Variants in MGAT4C observed in about 807,000 individuals in gnomAD.
MGAT4C encodes alpha-1,3-mannosyl-glycoprotein 4-beta-N-acetylglucosaminyltransferase C.
Under a neutral mutation model 40.1 loss-of-function variants are expected in MGAT4C, and 19 were observed. The ratio of observed to expected loss-of-function variants is 0.47; its 90% confidence interval spans 0.33 to 0.70. MGAT4C has a LOEUF of 0.70. Among genes scored for constraint, MGAT4C ranks in the 30% least tolerant of loss-of-function variants. MGAT4C has a pLI of 0.02. For synonymous variants in MGAT4C, 181 were observed against 187.1 expected (o/e 0.97, Z 0.27); for missense variants, 491 against 563.2 (o/e 0.87, Z 1.30).
At chr12:86,244,939 G>T (rs1000965294) in intron 1 of MGAT4C, among the ~76,000 whole-genome samples, 2 of 152,158 alleles carry the variant, frequency 1.3e-5, no homozygotes, top group African/African-American at 4.8e-5. Context: ...GCAGTATTAA[G>T]TGGGTGGTAT....
chr12:86,263,944 A>G (rs140505745), intron 4 of MGAT4C, among the ~76,000 whole-genome samples: 2 of 151,912 alleles, frequency 1.3e-5, no homozygotes, highest in African/African-American at 4.8e-5. Flanking sequence ...TTTTTCATAT[A>G]CCTATTGGTC....
intron 1 of MGAT4C, among the ~76,000 whole-genome samples, chr12:86,239,279 T>C (rs534932791): frequency 6.6e-6 from 1 of 152,168 alleles, no homozygotes; most frequent in East Asian, 1.9e-4. Context: ...AAAATTTTTA[T>C]TTAGGAAAGC....
intron 1 of MGAT4C, among the ~76,000 whole-genome samples, chr12:86,803,708 A>C (rs1952280434): frequency 6.6e-6 from 1 of 150,872 alleles, no homozygotes; most frequent in East Asian, 2.0e-4. Context: ...AATCAAAACC[A>C]CTATGAGATA....
chr12:86,095,790 T>C (rs1326229674), intron 1 of MGAT4C, among the ~76,000 whole-genome samples: 1 of 56 alleles, frequency 0.018, no homozygotes. Flanking sequence ...ACTTTACTTA[T>C]ATTCATCTCT....
chr12:86,739,063 C>T (rs10492296), intron 1 of MGAT4C, among the ~76,000 whole-genome samples: 4,726 of 130,650 alleles, frequency 0.036, 105 homozygotes, highest in Middle Eastern at 0.072. Flanking sequence ...TATTGTCATT[C>T]CAATTTTTGT....
chr12:85,967,207 T>A lies in MGAT4C; in HGVS notation c.*12082A>T, dbSNP rs1448246454. 2.0e-5 allele frequency: 3 copies of A among 152,164 alleles called. No homozygotes were observed. The highest frequency in any genetic ancestry group is 4.4e-5 in the Non-Finnish European group (3 of 68,024). 9.4% of individuals were successfully genotyped at this position (152,164 alleles called of 1,614,324 possible). A position where few individuals can be genotyped will look rare whatever the true frequency, so the allele number is the denominator to read the frequency against. On this transcript the variant is annotated 3_prime_UTR_variant, in exon 5 of 5. Transcript: ENST00000611864. ...TGAACAAATCTGGTAAATCTTTTGG[T>A]GTTGCAGGTTCATAATCAGTTAATT...
At chr12:86,774,327 C>CTTTCTTTCTTTCTTTCTTTCTTTCTTTCT (rs1565981576) in intron 1 of MGAT4C, among the ~76,000 whole-genome samples, 1 of 102,510 alleles carries the variant, frequency 9.8e-6, no homozygotes, top group African/African-American at 3.6e-5. Flanking sequence ...TTCTTTCTTT[C>CTTTCTTTCTTTCTTTCTTTCTTTCTTTCT]TTTCTTTCTT....
At chr12:86,411,307 C>A (rs1956599737) in intron 3 of MGAT4C, among the ~76,000 whole-genome samples, 1 of 152,118 alleles carries the variant, frequency 6.6e-6, no homozygotes, top group South Asian at 2.1e-4. Context: ...TTCCTAGATA[C>A]TTATTAAATA....
intron 1 of MGAT4C, among the ~76,000 whole-genome samples, chr12:86,134,392 C>A (rs1422595617): frequency 6.6e-6 from 1 of 151,868 alleles, no homozygotes; most frequent in Non-Finnish European, 1.5e-5. Context: ...AATCTCCCAC[C>A]CCAAACCCAT....
chr12:86,195,659 T>C (rs750730132), intron 1 of MGAT4C, among the ~76,000 whole-genome samples: 38 of 152,094 alleles, frequency 2.5e-4, no homozygotes, highest in Non-Finnish European at 5.3e-4. Context: ...ATTCTCAGAG[T>C]TGATAATATA....
intron 2 of MGAT4C, among the ~76,000 whole-genome samples, chr12:86,027,323 C>T (rs1423334033): frequency 6.6e-6 from 1 of 151,704 alleles, no homozygotes; most frequent in Non-Finnish European, 1.5e-5. Context: ...TAGCATAAAG[C>T]ATTATTTAAA....
intron 3 of MGAT4C, among the ~76,000 whole-genome samples, chr12:86,359,444 A>G (rs1208904070): frequency 6.6e-6 from 1 of 152,296 alleles, no homozygotes; most frequent in East Asian, 1.9e-4. Context: ...AACACATTCA[A>G]AAGCTAGCAG....
chr12:85,989,317 T>C, intron 3 of MGAT4C, 83 bp downstream of exon 3: 3 of 1,308,808 alleles, frequency 2.3e-6, no homozygotes, highest in Non-Finnish European at 3.1e-6. Flanking sequence ...TAGCTTGAGA[T>C]TGAAGTTAGG....
At chr12:86,248,194 T>TCTTACTTC (rs1952115103) in intron 1 of MGAT4C, among the ~76,000 whole-genome samples, 1 of 140,318 alleles carries the variant, frequency 7.1e-6, no homozygotes, top group African/African-American at 2.7e-5. Flanking sequence ...ACCTAGTTTC[T>TCTTACTTC]CTTCCTTCCT....
At chr12:86,153,832 C>T (rs1294803889) in intron 1 of MGAT4C, among the ~76,000 whole-genome samples, 2 of 152,170 alleles carry the variant, frequency 1.3e-5, no homozygotes, top group Non-Finnish European at 2.9e-5. Context: ...AACCTCATTC[C>T]TTTGTAAATT....
intron 1 of MGAT4C, among the ~76,000 whole-genome samples, chr12:86,211,232 G>T (rs1268028570): frequency 6.8e-6 from 1 of 148,016 alleles, no homozygotes; most frequent in East Asian, 2.1e-4. Context: ...ATATTGGACT[G>T]CATGGCATAT....
At chr12:86,489,926 A>C (rs1319689732) in intron 2 of MGAT4C, among the ~76,000 whole-genome samples, 2 of 152,204 alleles carry the variant, frequency 1.3e-5, no homozygotes, top group Non-Finnish European at 2.9e-5. Flanking sequence ...GACTATGTGA[A>C]AAGACCAAAT....
At chr12:86,685,435 G>C (rs1178410309) in intron 2 of MGAT4C, among the ~76,000 whole-genome samples, 2 of 152,156 alleles carry the variant, frequency 1.3e-5, no homozygotes, top group South Asian at 2.1e-4. Flanking sequence ...TTTGGTAACT[G>C]TAGCCTTGTA....
At chr12:86,474,234 A>C (rs556810730) in intron 2 of MGAT4C, among the ~76,000 whole-genome samples, 97 of 151,830 alleles carry the variant, frequency 6.4e-4, no homozygotes, top group Non-Finnish European at 1.3e-3. Flanking sequence ...ACATGGATGA[A>C]GCTGGAAACT....
Sources: allele counts gnomAD v4.1 joint callset (sites outside exome capture counted in the v4.1 genomes callset), GRCh38; gene constraint gnomAD v4.1.1; transcripts MANE v1.5; gene names NCBI Gene and HGNC (gene_info 2026-07-23, HGNC 2026-07-21).